Variants in SLIT2 observed in about 807,000 individuals in gnomAD.
The protein encoded by SLIT2 is slit homolog 2 protein.
Under a neutral mutation model 185.7 loss-of-function variants are expected in SLIT2, and 41 were observed. The observed-to-expected ratio is 0.22, with a 90% CI of 0.17 to 0.29. SLIT2 has a LOEUF of 0.29. Among genes scored for constraint, SLIT2 ranks in the 10% least tolerant of loss-of-function variants. The pLI, the probability that SLIT2 is intolerant of heterozygous loss-of-function variation, is 1.00. For missense variants in SLIT2, 1,571 were observed against 1,909.0 expected (o/e 0.82, Z 3.30); for synonymous variants, 693 against 680.2 (o/e 1.02, Z -0.29).
rs377435692 is a variant in SLIT2, at chr4:20,479,247, A to G, written c.468-1469A>G. ...ATTTCATGAGACATTGTCTATATAC[A>G]TAATTTCTAAAGTAAGGAACTTGAA... On this transcript the variant is annotated intron_variant, in intron 5 of 36. Transcript: ENST00000504154. 9.8e-4 allele frequency among the ~76,000 whole-genome samples: 149 copies of G among 152,296 alleles called. 3 individuals carry two copies. The South Asian group carries it at 0.029, about 30-fold the overall frequency.
chr4:20,408,748 A>G (rs933270995), intron 4 of SLIT2, among the ~76,000 whole-genome samples: 95 of 152,194 alleles, frequency 6.2e-4, no homozygotes, highest in African/African-American at 2.2e-3. Flanking sequence ...CCTAGGGGAC[A>G]GAATGACTCA....
At chr4:20,542,843 TGTGTGTGTGTGTGTGTGTGC>T (rs1324829992) in intron 21 of SLIT2, among the ~76,000 whole-genome samples, 84 of 99,304 alleles carry the variant, frequency 8.5e-4, no homozygotes, top group African/African-American at 2.7e-3. Context: ...TGTGTGTGTG[TGTGTGTGTGTGTGTGTGTGC>T]GCTATAAGAT....
chr4:20,361,166 C>T (rs1383094405), intron 4 of SLIT2, among the ~76,000 whole-genome samples: 1 of 152,036 alleles, frequency 6.6e-6, no homozygotes, highest in Non-Finnish European at 1.5e-5. Flanking sequence ...GAGTGGTTTT[C>T]AAACGATATC....
chr4:20,256,584 C>A, intron 1 of SLIT2, 88 bp from the exon 2 acceptor site: 1 of 682,584 alleles, frequency 1.5e-6, no homozygotes, highest in Admixed American at 2.6e-5. Flanking sequence ...ATTGAATTAA[C>A]TTTTAGTTCT....
At chr4:20,471,047 A>G (rs1437918285) in intron 5 of SLIT2, among the ~76,000 whole-genome samples, 1 of 152,186 alleles carries the variant, frequency 6.6e-6, no homozygotes, top group Non-Finnish European at 1.5e-5. Flanking sequence ...ATGTTGATCA[A>G]AAGAACAATT....
intron 4 of SLIT2, chr4:20,393,647 A>C (rs1021362582): frequency 6.6e-6 from 1 of 152,112 alleles, no homozygotes; most frequent in Non-Finnish European, 1.5e-5. Flanking sequence ...TGGAAAATAC[A>C]TGACTAAGCC....
rs1025369283 is a variant in SLIT2 at position 20,584,066 on chromosome 4, C to G, written c.3089-5578C>G. Among the ~76,000 whole-genome samples the G allele has an allele frequency of 2.0e-5, 3 of 152,126 alleles. No homozygotes were observed. The East Asian group carries it at 5.8e-4, about 29-fold the overall frequency. On this transcript the variant is annotated intron_variant, in intron 29 of 36. Transcript: ENST00000504154. The stretch of plus-strand genomic sequence containing the variant: ...TGTACAGCTAAGTGTGATACTCCCT[C>G]TGGTAACTTGCTGTCTGCATGATCC...
intron 18 of SLIT2, among the ~76,000 whole-genome samples, chr4:20,536,328 G>A (rs1348178150): frequency 6.6e-6 from 1 of 152,042 alleles, no homozygotes; most frequent in East Asian, 1.9e-4. Flanking sequence ...GGCCAAGGCG[G>A]GTGGATTACT....
chr4:20,472,258 C>CTATATATATA (rs1337807058), intron 5 of SLIT2, among the ~76,000 whole-genome samples: 3 of 31,242 alleles, frequency 9.6e-5, no homozygotes, highest in Non-Finnish European at 1.6e-4. Context: ...ATATATAGAT[C>CTATATATATA]TATATATAGA....
rs113828762 is a variant in SLIT2 at position 20,610,220 on chromosome 4, G to C, written c.3847+53G>C. 85 of 1,526,910 alleles carry C rather than the reference G, an allele frequency of 5.6e-5. 1 individual carries two copies. In the African/African-American group the frequency reaches 5.8e-4, roughly 10 times the overall value. 94.6% of individuals were successfully genotyped at this position (1,526,910 alleles called of 1,614,324 possible). On this transcript the variant is annotated intron_variant, in intron 34 of 36. Coordinates refer to ENST00000504154, the MANE Select transcript of SLIT2 (RefSeq NM_004787.4). ...CCTGAAACCCTGTGATTCTCATTATGGACGAATTCTGAAGTTTGTTAATGC... is the reference window on the plus strand; with the variant it reads ...CCTGAAACCCTGTGATTCTCATTATCGACGAATTCTGAAGTTTGTTAATGC...
At chr4:20,373,583 G>T (rs968029296) in intron 4 of SLIT2, among the ~76,000 whole-genome samples, 4 of 151,896 alleles carry the variant, frequency 2.6e-5, no homozygotes, top group Admixed American at 2.6e-4. Flanking sequence ...TATATGTGTT[G>T]GTGTTTAATA....
At chr4:20,373,779 C>T (rs1013677656) in intron 4 of SLIT2, among the ~76,000 whole-genome samples, 2 of 151,990 alleles carry the variant, frequency 1.3e-5, no homozygotes, top group Non-Finnish European at 2.9e-5. Context: ...ACATACAATT[C>T]AAGAGCAATG....
intron 4 of SLIT2, among the ~76,000 whole-genome samples, chr4:20,376,106 A>G (rs796955316): frequency 3.1e-4 from 45 of 143,662 alleles, no homozygotes; most frequent in African/African-American, 1.1e-3. Context: ...GAAGAATATC[A>G]TTGTTTAACT....
intron 29 of SLIT2, among the ~76,000 whole-genome samples, chr4:20,580,297 T>C (rs1470079170): frequency 1.3e-5 from 2 of 151,400 alleles, no homozygotes; most frequent in South Asian, 4.2e-4. Context: ...CTCGGCCTCC[T>C]GTAGTGCTAG....
chr4:20,554,163 A>G lies in SLIT2; in HGVS notation c.2725+195A>G, dbSNP rs1724031355. On this transcript the variant is annotated intron_variant, in intron 26 of 36. Transcript: ENST00000504154. ...GAATTAGGCTTTTCAAATAAATCTCAGAAATAGTCCATTGGTAATGACCAA... is the reference window on the plus strand; with the variant it reads ...GAATTAGGCTTTTCAAATAAATCTCGGAAATAGTCCATTGGTAATGACCAA... 1.7e-5 allele frequency: 10 copies of G among 603,246 alleles called. No homozygotes were observed. The South Asian group carries it at 2.0e-4, about 12-fold the overall frequency. The allele number at this position is 603,246 out of a possible 1,614,324, so 37.4% of individuals were successfully genotyped here.
intron 4 of SLIT2, among the ~76,000 whole-genome samples, chr4:20,399,234 A>G (rs1726166046): frequency 6.6e-6 from 1 of 151,800 alleles, no homozygotes; most frequent in South Asian, 2.1e-4. Flanking sequence ...GTAGCATAAT[A>G]TAATTTTTCA....
At chr4:20,548,828 C>A (rs1239883105) in intron 23 of SLIT2, among the ~76,000 whole-genome samples, 1 of 152,080 alleles carries the variant, frequency 6.6e-6, no homozygotes, top group African/African-American at 2.4e-5. Context: ...GAAGGGACGG[C>A]TGACGCACCA....
rs987623462 is a variant in SLIT2, at chr4:20,253,045, G to C, written c.-771G>C. 3.3e-5 allele frequency among the ~76,000 whole-genome samples: 5 copies of C among 152,162 alleles called. No individual in the cohort carries two copies. The highest frequency in any genetic ancestry group is 9.7e-5 in the African/African-American group (4 of 41,450). On this transcript the variant is annotated 5_prime_UTR_variant, in exon 1 of 37. Transcript: ENST00000504154. Reference sequence around the variant, plus strand: ...AGGTCCTGGTGCAGAGCGTCGCCAAGGACGCCGAGCGGGAGGCGGGATTGC... The same window carrying C: ...AGGTCCTGGTGCAGAGCGTCGCCAACGACGCCGAGCGGGAGGCGGGATTGC...
chr4:20,618,959 G>A lies in SLIT2; in HGVS notation c.4540G>A (p.Asp1514Asn), dbSNP rs777004548. The change falls in exon 37 of 37, where the codon GAC becomes AAC. Residue 1514 changes from aspartate to asparagine, a missense_variant. Physicochemically the swap from Asp to Asn is conservative, Grantham distance 23. Transcript: ENST00000504154. ...ATGCACTGACGGCTCCTCCTTTGTGGACGAGGTTGAGAAAGTGGTGAAGTG... is the reference window on the plus strand; with the variant it reads ...ATGCACTGACGGCTCCTCCTTTGTGAACGAGGTTGAGAAAGTGGTGAAGTG... Reference protein sequence around the residue: ...FECTDGSSFVDEVEKVVKCGC... With the variant: ...FECTDGSSFVNEVEKVVKCGC... The A allele has an allele frequency of 1.9e-6, 3 of 1,614,120 alleles. No individual in the cohort carries two copies. The highest frequency in any genetic ancestry group is 2.5e-6 in the Non-Finnish European group (3 of 1,180,002).
Sources: gnomAD v4.1 joint callset for allele counts (sites outside exome capture counted in the v4.1 genomes callset) on GRCh38, gnomAD v4.1.1 for gene constraint, MANE v1.5 for transcripts, NCBI Gene and HGNC (gene_info 2026-07-23, HGNC 2026-07-21) for gene names.